Variants in SCNN1B observed in about 807,000 individuals in gnomAD.
SCNN1B encodes the protein sodium channel epithelial 1 subunit beta.
Under a neutral mutation model 65.3 loss-of-function variants are expected in SCNN1B, and 46 were observed. The ratio of observed to expected loss-of-function variants is 0.70; its 90% CI spans 0.56 to 0.90. The LOEUF is 0.90. Among genes scored for constraint, SCNN1B ranks in the 40% least tolerant of loss-of-function variants. SCNN1B has a pLI of 0.00. For synonymous variants in SCNN1B, 349 were observed against 330.6 expected (o/e 1.06, Z -0.60); for missense variants, 751 against 830.5 (o/e 0.90, Z 1.18).
intron 10 of SCNN1B, among the ~76,000 whole-genome samples, 188 bp downstream of exon 10, chr16:23,377,574 C>CCCCTTTCTTCCTTCTCCCTT (rs1962929086): frequency 8.0e-6 from 1 of 125,062 alleles, no homozygotes; most frequent in African/African-American, 3.0e-5. Flanking sequence ...CCTCTCTTTT[C>CCCCTTTCTTCCTTCTCCCTT]CCTTCCTCCC....
chr16:23,315,639 C>T (rs1961437980), intron 1 of SCNN1B, among the ~76,000 whole-genome samples: 1 of 152,100 alleles, frequency 6.6e-6, no homozygotes, highest in Admixed American at 6.5e-5. Context: ...GAGACTCTCT[C>T]TATAAATTCT....
intron 1 of SCNN1B, among the ~76,000 whole-genome samples, chr16:23,311,547 C>G (rs1262630470): frequency 6.6e-6 from 1 of 152,180 alleles, no homozygotes; most frequent in Non-Finnish European, 1.5e-5. Flanking sequence ...AGATTTGAAT[C>G]CTGATTGGAA....
At chr16:23,319,100 G>A (rs1961534245) in intron 1 of SCNN1B, among the ~76,000 whole-genome samples, 1 of 151,674 alleles carries the variant, frequency 6.6e-6, no homozygotes, top group South Asian at 2.1e-4. Context: ...GAGTGCAGTG[G>A]CGCGATCTCA....
At chr16:23,286,228 G>A (rs765508776) in intron 2 of SCNN1B, among the ~76,000 whole-genome samples, 4 of 152,196 alleles carry the variant, frequency 2.6e-5, no homozygotes, top group East Asian at 1.9e-4. Context: ...TCAAAGGAAT[G>A]AGAGCATTAG....
intron 1 of SCNN1B, among the ~76,000 whole-genome samples, chr16:23,321,542 C>G (rs1229734431): frequency 6.6e-6 from 1 of 152,140 alleles, no homozygotes; most frequent in Non-Finnish European, 1.5e-5. Context: ...GAGGCTTGGA[C>G]AGGCCTTCAG....
intron 4 of SCNN1B, among the ~76,000 whole-genome samples, chr16:23,355,737 T>G (rs1310923024): frequency 6.6e-6 from 1 of 151,150 alleles, no homozygotes; most frequent in Non-Finnish European, 1.5e-5. Flanking sequence ...GCAGGGAAAG[T>G]GGGATAAGGA....
At chr16:23,290,765 T>C (rs1280392495) in intron 2 of SCNN1B, among the ~76,000 whole-genome samples, 5 of 152,248 alleles carry the variant, frequency 3.3e-5, no homozygotes, top group African/African-American at 9.6e-5. Flanking sequence ...TGTTCTCTTT[T>C]AGTAGACCAA....
intron 1 of SCNN1B, among the ~76,000 whole-genome samples, chr16:23,331,291 A>G (rs1181462838): frequency 6.6e-6 from 1 of 151,140 alleles, no homozygotes; most frequent in Non-Finnish European, 1.5e-5. Context: ...CCCAGATGAC[A>G]AAGTTCAAGG....
At chr16:23,355,683 G>A (rs957586743) in intron 4 of SCNN1B, among the ~76,000 whole-genome samples, 194 bp downstream of exon 4, 8 of 152,306 alleles carry the variant, frequency 5.3e-5, no homozygotes, top group African/African-American at 1.9e-4. Flanking sequence ...GGGATGTATT[G>A]AAGAGCTCGC....
Position 23,353,090 on chromosome 16 carries a change from G to A in SCNN1B, c.585+16G>A, listed in dbSNP as rs756639486. The A allele has an allele frequency of 5.0e-6, 8 of 1,613,814 alleles. No individual in the cohort carries two copies. Among genetic ancestry groups the A allele is most frequent in the Admixed American group, 1.7e-5 (1 of 60,002 alleles). On this transcript the variant is annotated intron_variant, in intron 3 of 12. Coordinates refer to ENST00000343070, the MANE Select transcript of SCNN1B (RefSeq NM_000336.3). ...CATGAGACTAGTAAGTGGTCCCTGG[G>A]CACATATCAAGCAATGGGCCCCACC...
chr16:23,317,079 C>A (rs1292544277), intron 1 of SCNN1B, among the ~76,000 whole-genome samples: 1 of 152,246 alleles, frequency 6.6e-6, no homozygotes, highest in Admixed American at 6.5e-5. Flanking sequence ...AGAATTTGGG[C>A]TCTAAAGCCT....
intron 1 of SCNN1B, among the ~76,000 whole-genome samples, chr16:23,319,415 G>A (rs149701400): frequency 3.9e-5 from 6 of 152,236 alleles, no homozygotes; most frequent in African/African-American, 7.2e-5. Context: ...CCCAAAGGCC[G>A]GTGTTTGATC....
At chr16:23,316,440 CCAT>C (rs1179969302) in intron 1 of SCNN1B, among the ~76,000 whole-genome samples, 3 of 146,386 alleles carry the variant, frequency 2.0e-5, no homozygotes, top group Admixed American at 6.9e-5. Flanking sequence ...TTCATCATCA[CCAT>C]CATCATCATC....
intron 1 of SCNN1B, chr16:23,303,963 C>T (rs1216141740): frequency 1.1e-6 from 1 of 891,802 alleles, no homozygotes; most frequent in Non-Finnish European, 1.8e-6. Context: ...CCACCTATGT[C>T]ATTCTGCAAC....
intron 1 of SCNN1B, among the ~76,000 whole-genome samples, chr16:23,343,664 G>GAAGA (rs1962127004): frequency 7.1e-6 from 1 of 141,484 alleles, no homozygotes; most frequent in African/African-American, 2.6e-5. Context: ...AGAAAGGAAG[G>GAAGA]AAGGAAGAAA....
intron 1 of SCNN1B, among the ~76,000 whole-genome samples, chr16:23,321,106 ATGATAGCCGACTGCAACCTCCG>A (rs1290966380): frequency 5.3e-5 from 8 of 152,138 alleles, no homozygotes; most frequent in Non-Finnish European, 1.2e-4. Context: ...GTGCAGTGGT[ATGATAGCCGACTGCAACCTCCG>A]TCTCCTGGGT....
At chr16:23,371,233 G>A (rs973379320) in intron 5 of SCNN1B, 66 bp from the exon 6 acceptor site, 79 of 1,573,160 alleles carry the variant, frequency 5.0e-5, no homozygotes, top group Non-Finnish European at 6.8e-5. Context: ...TGGAGAAGTG[G>A]GTAGTGGGGT....
intron 1 of SCNN1B, among the ~76,000 whole-genome samples, chr16:23,342,303 C>T (rs896224921): frequency 4.6e-5 from 7 of 152,164 alleles, no homozygotes; most frequent in African/African-American, 1.4e-4. Context: ...GCTGGAGTGC[C>T]GTGGCACAAT....
intron 8 of SCNN1B, among the ~76,000 whole-genome samples, chr16:23,376,174 C>T (rs1379025145): frequency 6.6e-6 from 1 of 152,232 alleles, no homozygotes; most frequent in Non-Finnish European, 1.5e-5. Flanking sequence ...TGGCTGCTGG[C>T]GAGTGTGTGC....
Sources: allele counts gnomAD v4.1 joint callset (sites outside exome capture counted in the v4.1 genomes callset), GRCh38; gene constraint gnomAD v4.1.1; transcripts MANE v1.5; gene names NCBI Gene and HGNC (gene_info 2026-07-23, HGNC 2026-07-21).